Variants in PRELID2 observed in about 807,000 individuals in gnomAD.
PRELID2 encodes PRELI domain containing 2, also known as PRELI domain-containing protein 2.
Under a neutral mutation model 28.4 loss-of-function variants are expected in PRELID2, and 25 were observed. The observed-to-expected ratio is 0.88, with a 90% CI of 0.64 to 1.23. The LOEUF is 1.23. PRELID2 is among the 50% of genes most tolerant of loss of function. The pLI, the probability that PRELID2 is intolerant of heterozygous loss-of-function variation, is 0.00. For missense variants in PRELID2, 201 were observed against 214.4 expected (o/e 0.94, Z 0.39); for synonymous variants, 76 against 71.6 (o/e 1.06, Z -0.31).
chr5:145,422,228 C>A, the PRELID2 span, among the ~76,000 whole-genome samples: 1 of 144,648 alleles, frequency 6.9e-6, no homozygotes, highest in Non-Finnish European at 1.5e-5. Context: ...GGGTGGAGAG[C>A]TCTGTAGATG....
At chr5:145,707,085 C>T (rs1755568390) in intron 1 of PRELID2, among the ~76,000 whole-genome samples, 1 of 152,204 alleles carries the variant, frequency 6.6e-6, no homozygotes, top group Non-Finnish European at 1.5e-5. Flanking sequence ...ATTTATTAAG[C>T]ATCTGTGGGT....
intron 3 of PRELID2, 83 bp from the exon 4 acceptor site, chr5:145,818,137 TGGATAACCAAGA>T: frequency 7.0e-7 from 1 of 1,437,142 alleles, no homozygotes; most frequent in Non-Finnish European, 9.5e-7. Flanking sequence ...CTCTCAGTCT[TGGATAACCAAGA>T]GGACAAGTAA....
intron 1 of PRELID2, among the ~76,000 whole-genome samples, chr5:145,507,975 TC>T (rs1752426420): frequency 6.6e-6 from 1 of 152,100 alleles, no homozygotes; most frequent in Non-Finnish European, 1.5e-5. Flanking sequence ...ATGTTAGTTC[TC>T]CTAGTTGAGC....
At chr5:145,444,377 A>G in the PRELID2 span, among the ~76,000 whole-genome samples, 1 of 152,012 alleles carries the variant, frequency 6.6e-6, no homozygotes, top group Non-Finnish European at 1.5e-5. Flanking sequence ...CCCATGGCCA[A>G]GGGTATTTCT....
the PRELID2 span, among the ~76,000 whole-genome samples, chr5:145,246,100 GA>G: frequency 6.6e-6 from 1 of 151,918 alleles, no homozygotes; most frequent in Non-Finnish European, 1.5e-5. Flanking sequence ...TCGAAGTGAA[GA>G]AATTCGATTA....
chr5:145,725,978 T>A (rs1009085210), intron 1 of PRELID2, among the ~76,000 whole-genome samples: 1 of 151,418 alleles, frequency 6.6e-6, no homozygotes, highest in Non-Finnish European at 1.5e-5. Context: ...AGCCCAGGAG[T>A]TTGAGACCAG....
intron 1 of PRELID2, among the ~76,000 whole-genome samples, chr5:145,633,203 TG>T (rs963703449): frequency 1.3e-5 from 2 of 152,192 alleles, no homozygotes; most frequent in Admixed American, 6.5e-5. Context: ...AATCCATGCC[TG>T]GTCTCCTGAC....
chr5:145,519,151 T>C (rs1020330397), intron 1 of PRELID2, among the ~76,000 whole-genome samples: 8 of 152,190 alleles, frequency 5.3e-5, no homozygotes, highest in Admixed American at 1.3e-4. Context: ...TGTTTAAAGT[T>C]ATCTAGCACT....
the PRELID2 span, among the ~76,000 whole-genome samples, chr5:145,262,699 G>T: frequency 6.6e-6 from 1 of 151,668 alleles, no homozygotes; most frequent in Admixed American, 6.6e-5. Context: ...CTTAAATCTT[G>T]AAACAAATCC....
At chr5:145,724,600 A>AATAAATATATATATAT (rs1308255896) in intron 1 of PRELID2, among the ~76,000 whole-genome samples, 2 of 24,788 alleles carry the variant, frequency 8.1e-5, no homozygotes, top group East Asian at 1.5e-3. Flanking sequence ...GAAGTAAATA[A>AATAAATATATATATAT]ATATATATAT....
chr5:145,586,199 G>A (rs10059454), intron 1 of PRELID2, among the ~76,000 whole-genome samples: 16,568 of 151,914 alleles, frequency 0.11, 2,433 homozygotes, highest in African/African-American at 0.34. Context: ...TTCCTCCCAC[G>A]AATTCCCCTG....
At chr5:145,698,637 G>A (rs113491124) in intron 1 of PRELID2, among the ~76,000 whole-genome samples, 7,083 of 152,182 alleles carry the variant, frequency 0.047, 584 homozygotes, top group African/African-American at 0.16. Flanking sequence ...CTGTCTGAGC[G>A]TTCTTTAATG....
chr5:145,289,941 T>G, the PRELID2 span, among the ~76,000 whole-genome samples: 4 of 152,194 alleles, frequency 2.6e-5, no homozygotes, highest in Admixed American at 2.6e-4. Flanking sequence ...CATTTTTTAA[T>G]TGGGTTGTTT....
the PRELID2 span, among the ~76,000 whole-genome samples, chr5:145,417,132 C>T: frequency 1.3e-5 from 2 of 152,054 alleles, no homozygotes; most frequent in South Asian, 4.2e-4. Context: ...CCTCTATGCA[C>T]ATAAACTAGA....
At chr5:145,315,738 A>G in the PRELID2 span, among the ~76,000 whole-genome samples, 4 of 152,102 alleles carry the variant, frequency 2.6e-5, no homozygotes, top group African/African-American at 7.2e-5. Flanking sequence ...GCACATCCAT[A>G]TAATGGAATG....
intron 4 of PRELID2, among the ~76,000 whole-genome samples, chr5:145,797,952 T>C (rs1267714485): frequency 6.6e-6 from 1 of 151,582 alleles, no homozygotes; most frequent in Non-Finnish European, 1.5e-5. Flanking sequence ...TGAACTAAAA[T>C]AGACAACTAA....
chr5:145,802,144 C>T (rs1753179134), intron 4 of PRELID2, among the ~76,000 whole-genome samples: 1 of 152,170 alleles, frequency 6.6e-6, no homozygotes, highest in African/African-American at 2.4e-5. Context: ...TGTTCATTTT[C>T]ATTGCTACAT....
At chr5:145,660,556 C>T (rs1378349392) in intron 1 of PRELID2, among the ~76,000 whole-genome samples, 1 of 152,190 alleles carries the variant, frequency 6.6e-6, no homozygotes, top group East Asian at 1.9e-4. Flanking sequence ...GCAGTAACAG[C>T]AGTGCTTTCT....
At chr5:145,612,933 C>T (rs186528306) in intron 1 of PRELID2, among the ~76,000 whole-genome samples, 291 of 152,220 alleles carry the variant, frequency 1.9e-3, no homozygotes, top group Admixed American at 4.4e-3. Flanking sequence ...GTATCTTTTT[C>T]GAGTAATGAC....
Sources: allele counts gnomAD v4.1 joint callset (sites outside exome capture counted in the v4.1 genomes callset), GRCh38; gene constraint gnomAD v4.1.1; transcripts MANE v1.5; gene names NCBI Gene and HGNC (gene_info 2026-07-23, HGNC 2026-07-21).